THSD7A: variants seen among roughly 807,000 people sequenced by gnomAD.
THSD7A encodes thrombospondin type-1 domain-containing protein 7A.
THSD7A carries 96 observed loss-of-function variants against 231.3 expected under a neutral mutation model. That is an observed-to-expected ratio of 0.41 (90% CI 0.35 to 0.49). The LOEUF (loss-of-function observed/expected upper bound fraction) is 0.49. Ranked by LOEUF, THSD7A falls within the 20% of genes least tolerant of loss-of-function variation. The pLI is 0.05. For synonymous variants in THSD7A, 940 were observed against 743.3 expected, an observed-to-expected ratio of 1.26 and a Z score of -4.30; for missense variants, 2,290 against 2,070.2, an observed-to-expected ratio of 1.11 and a Z score of -2.06.
chr7:11,449,959 G>A (rs1246454836), intron 11 of THSD7A, among the ~76,000 whole-genome samples: 1 of 152,052 alleles, frequency 6.6e-6, no homozygotes, highest in Non-Finnish European at 1.5e-5. Flanking sequence ...TTCACTGTTT[G>A]TAACTAAAAG....
In THSD7A at chr7:11,461,647, G is replaced by A. The variant is rs116511590; in HGVS notation, c.2501+364C>T. On this transcript the variant is annotated intron_variant, in intron 10 of 27. Coordinates refer to ENST00000423059, the MANE Select transcript of THSD7A (RefSeq NM_015204.3). Reference sequence around the variant, plus strand: ...CAAACAGGTGCTCTTTGGAGCAGGGGAGTAATGCTTAGGCTAGTCTTCTAA... The same window carrying A: ...CAAACAGGTGCTCTTTGGAGCAGGGAAGTAATGCTTAGGCTAGTCTTCTAA... Among the ~76,000 whole-genome samples, 528 of 152,298 alleles carry A rather than the reference G, an allele frequency of 3.5e-3. 4 individuals carry two copies. Among genetic ancestry groups the A allele is most frequent in the African/African-American group, 0.012 (509 of 41,582 alleles).
chr7:11,631,883 C>A (rs1781668681), intron 2 of THSD7A, among the ~76,000 whole-genome samples: 1 of 152,158 alleles, frequency 6.6e-6, no homozygotes, highest in South Asian at 2.1e-4. Flanking sequence ...CAATGGCCTC[C>A]TGTAAATTTT....
chr7:11,430,900 A>T (rs1383193502), intron 13 of THSD7A, among the ~76,000 whole-genome samples: 3 of 152,204 alleles, frequency 2.0e-5, no homozygotes, highest in African/African-American at 7.2e-5. Context: ...CTCATCAGTT[A>T]ATGGACATTT....
chr7:11,705,586 GT>G (rs367984843), intron 1 of THSD7A, among the ~76,000 whole-genome samples: 230 of 151,106 alleles, frequency 1.5e-3, no homozygotes, highest in African/African-American at 5.3e-3. Flanking sequence ...GAGTTCTCAA[GT>G]TGGAGGTGGA....
At chr7:11,518,622 C>T (rs986746897) in intron 6 of THSD7A, among the ~76,000 whole-genome samples, 6 of 151,878 alleles carry the variant, frequency 4.0e-5, no homozygotes, top group African/African-American at 1.5e-4. Flanking sequence ...CACACACACG[C>T]ACACACAGGC....
intron 23 of THSD7A, among the ~76,000 whole-genome samples, chr7:11,390,960 C>T (rs1353414164): frequency 1.3e-5 from 2 of 152,222 alleles, no homozygotes; most frequent in Admixed American, 6.5e-5. Flanking sequence ...CTGTTCCTTC[C>T]TCTGAAAACT....
chr7:11,547,521 T>C (rs1416027957), intron 4 of THSD7A, among the ~76,000 whole-genome samples: 2 of 152,112 alleles, frequency 1.3e-5, no homozygotes, highest in Non-Finnish European at 2.9e-5. Flanking sequence ...CCACAGAACA[T>C]TCCATCTAAC....
intron 1 of THSD7A, among the ~76,000 whole-genome samples, chr7:11,700,859 C>CA (rs35608426): frequency 2.0e-4 from 30 of 150,276 alleles, no homozygotes; most frequent in African/African-American, 6.8e-4. Flanking sequence ...CTTCATAAGG[C>CA]AAAAAAAATT....
chr7:11,570,589 T>A (rs2128334350), intron 4 of THSD7A, among the ~76,000 whole-genome samples: 1 of 152,336 alleles, frequency 6.6e-6, no homozygotes, highest in African/African-American at 2.4e-5. Flanking sequence ...TATCAAAACA[T>A]CACAGTACCA....
At chr7:11,648,635 G>GGTGTGTGTGTGT (rs1562441338) in intron 1 of THSD7A, among the ~76,000 whole-genome samples, 1 of 62,014 alleles carries the variant, frequency 1.6e-5, no homozygotes, top group Non-Finnish European at 3.9e-5. Flanking sequence ...TCTATTTTGT[G>GGTGTGTGTGTGT]GCGTGTGTGT....
chr7:11,663,458 A>G (rs1783008954), intron 1 of THSD7A, among the ~76,000 whole-genome samples: 1 of 151,566 alleles, frequency 6.6e-6, no homozygotes, highest in African/African-American at 2.4e-5. Flanking sequence ...AACAAAAACA[A>G]AAACAAAAGA....
rs1473853841 is a variant in THSD7A at position 11,590,226 on chromosome 7, A to T, written c.1453+234T>A. On this transcript the variant is annotated intron_variant, in intron 4 of 27. Coordinates refer to ENST00000423059, the MANE Select transcript of THSD7A (RefSeq NM_015204.3). The surrounding 1 kb of genome is among the most constrained non-coding windows in gnomAD (Gnocchi z 4.4). ...AAGAGGTTGAGTCAAGAAGGCCTTT[A>T]AGTCAAAATTTTAAAGAAACTTGTC... 6.6e-6 allele frequency among the ~76,000 whole-genome samples: 1 copy of T among 152,186 alleles called. No homozygotes were observed. Among genetic ancestry groups the T allele is most frequent in the African/African-American group, 2.4e-5 (1 of 41,434 alleles).
chr7:11,615,599 T>C (rs1781079113), intron 2 of THSD7A, among the ~76,000 whole-genome samples: 1 of 152,248 alleles, frequency 6.6e-6, no homozygotes, highest in Non-Finnish European at 1.5e-5. Context: ...GGCTAAATTC[T>C]ACACTATATA....
chr7:11,469,838 G>A (rs1785862062), intron 9 of THSD7A, 41 bp downstream of exon 9: 2 of 1,423,658 alleles, frequency 1.4e-6, no homozygotes, highest in East Asian at 2.4e-5. Context: ...TACCGAGGAG[G>A]TTTTCTAGGT....
chr7:11,793,939 A>G (rs906827469), intron 1 of THSD7A, among the ~76,000 whole-genome samples: 4 of 152,014 alleles, frequency 2.6e-5, no homozygotes, highest in African/African-American at 9.6e-5. Context: ...GTAATCAAAT[A>G]ATTGAGTGTC....
chr7:11,758,035 ATAT>A (rs1782740856), intron 1 of THSD7A, among the ~76,000 whole-genome samples: 3 of 124,364 alleles, frequency 2.4e-5, no homozygotes, highest in South Asian at 2.6e-4. Flanking sequence ...ATATATATAT[ATAT>A]AATGTTTCAC....
intron 2 of THSD7A, among the ~76,000 whole-genome samples, chr7:11,603,026 T>C (rs1172259503): frequency 1.3e-5 from 2 of 150,084 alleles, no homozygotes; most frequent in African/African-American, 4.9e-5. Flanking sequence ...AATTGACAAA[T>C]GGGATCTAAT....
intron 11 of THSD7A, among the ~76,000 whole-genome samples, 181 bp from the exon 12 acceptor site, chr7:11,447,605 A>T (rs28669071): frequency 7.9e-5 from 12 of 152,232 alleles, no homozygotes; most frequent in Non-Finnish European, 1.5e-4. Context: ...GGTTATTTTT[A>T]AAAATAACAC....
At chr7:11,545,603 A>G (rs10271276) in intron 4 of THSD7A, among the ~76,000 whole-genome samples, 17,329 of 151,992 alleles carry the variant, frequency 0.11, 1,961 homozygotes, top group African/African-American at 0.29. Context: ...GCTACTGAGC[A>G]TCAAGATCCA....
Sources: gnomAD v4.1 joint callset for allele counts (sites outside exome capture counted in the v4.1 genomes callset) on GRCh38, gnomAD v4.1.1 for gene constraint, Gnocchi (gnomAD v3.1) non-coding constraint, MANE v1.5 for transcripts, NCBI Gene and HGNC (gene_info 2026-07-23, HGNC 2026-07-21) for gene names.